The following LRSAM1 variants were observed in gnomAD, a reference collection of about 807,000 sequenced individuals.
LRSAM1 encodes E3 ubiquitin-protein ligase LRSAM1.
A neutral mutation model predicts 118.1 loss-of-function variants in LRSAM1; 96 were observed. That is an observed-to-expected ratio of 0.81 (90% confidence interval 0.69 to 0.96). The LOEUF (loss-of-function observed/expected upper bound fraction) is 0.96. LRSAM1 is among the 40% of genes least tolerant of loss of function. The pLI is 0.00. For synonymous variants in LRSAM1, 322 were observed against 364.2 expected (o/e 0.88, Z 1.32); for missense variants, 804 against 915.5 (o/e 0.88, Z 1.57).
At chr9:127,495,704 G>T (rs1836107429) in intron 22 of LRSAM1, among the ~76,000 whole-genome samples, 1 of 152,166 alleles carries the variant, frequency 6.6e-6, no homozygotes, top group Admixed American at 6.6e-5. Flanking sequence ...CACCTGCGGG[G>T]ACAGAGAGGC....
In LRSAM1 at chr9:127,455,109, C is replaced by G; in HGVS notation, c.129+55C>G. 7 of 1,563,008 alleles carry G rather than the reference C, an allele frequency of 4.5e-6. No homozygotes were observed. The South Asian group carries it at 7.8e-5, about 17-fold the overall frequency. On this transcript the variant is annotated intron_variant, in intron 4 of 25. Coordinates refer to ENST00000300417, the MANE Select transcript of LRSAM1 (RefSeq NM_001005373.4). The stretch of plus-strand genomic sequence containing the variant: ...TTGGATCTGTCCCGTTTTCTTGGAT[C>G]TTGTGTCCCTAGGAAAGACAGAGGT...
intron 25 of LRSAM1, 70 bp downstream of exon 25, chr9:127,501,213 G>A: frequency 6.4e-7 from 1 of 1,568,964 alleles, no homozygotes; most frequent in Non-Finnish European, 8.6e-7. Context: ...GCAGGTACAG[G>A]GTTGTCTCTG....
In LRSAM1 at chr9:127,485,849, G is replaced by A; in HGVS notation, c.1259+14G>A. On this transcript the variant is annotated intron_variant, in intron 17 of 25. Transcript: ENST00000300417. ...GGCCTGTTCCAGGTAAGGTAAGGAAGAGGAGTCCCAGGTGAGGGAGCTGGG... is the reference window on the plus strand; with the variant it reads ...GGCCTGTTCCAGGTAAGGTAAGGAAAAGGAGTCCCAGGTGAGGGAGCTGGG... The A allele has an allele frequency of 6.2e-7, 1 of 1,613,528 alleles. No homozygotes were observed. The highest frequency in any genetic ancestry group is 8.5e-7 in the Non-Finnish European group (1 of 1,179,540).
At chr9:127,454,730 G>C in intron 3 of LRSAM1, 131 bp downstream of exon 3, 1 of 1,048,898 alleles carries the variant, frequency 9.5e-7, no homozygotes, top group Non-Finnish European at 1.4e-6. Flanking sequence ...AGAAATATTT[G>C]ACTTAGACCC....
At chr9:127,485,867 G>A in intron 17 of LRSAM1, 32 bp downstream of exon 17, 32 of 1,596,564 alleles carry the variant, frequency 2.0e-5, no homozygotes, top group Non-Finnish European at 2.7e-5. Context: ...CCAGGTGAGG[G>A]AGCTGGGGGA....
chr9:127,492,859 G>A lies in LRSAM1; in HGVS notation c.1561G>A (p.Glu521Lys). The A allele has an allele frequency of 6.2e-7, 1 of 1,614,098 alleles. No individual in the cohort carries two copies. Among genetic ancestry groups the A allele is most frequent in the Non-Finnish European group, 8.5e-7 (1 of 1,180,042 alleles). ...CTCCCTGCTCCAGCAGCTGCTCAAA[G>A]AGAAGCAGCAGCGAGAGGAAGAGCT... ...LSSLLQQLLK[E>K]KQQREEELRE... Residue 521 changes from glutamate to lysine, a missense_variant, in exon 21 of 26, where the codon GAG (glutamate) becomes AAG (lysine). Glu to Lys is a moderately conservative substitution (Grantham distance 56, BLOSUM62 1). Transcript: ENST00000300417.
At chr9:127,467,628 G>A in intron 9 of LRSAM1, 112 bp from the exon 10 acceptor site, 1 of 1,035,088 alleles carries the variant, frequency 9.7e-7, no homozygotes. Context: ...CTGCTGTCAG[G>A]CCATTCCTGC....
chr9:127,484,263 CTT>C (rs35834839), intron 16 of LRSAM1, among the ~76,000 whole-genome samples: 9 of 133,668 alleles, frequency 6.7e-5, no homozygotes, highest in Non-Finnish European at 6.3e-5. Context: ...ATTTCTTTCC[CTT>C]TTTTTTTTTT....
At chr9:127,493,134 T>C (rs1835995136) in intron 21 of LRSAM1, among the ~76,000 whole-genome samples, 1 of 152,164 alleles carries the variant, frequency 6.6e-6, no homozygotes, top group Non-Finnish European at 1.5e-5. Context: ...CAATCTCAGC[T>C]CACTGCAGCC....
chr9:127,498,313 T>G (rs987002089), intron 24 of LRSAM1, among the ~76,000 whole-genome samples: 5 of 152,158 alleles, frequency 3.3e-5, no homozygotes, highest in Non-Finnish European at 7.3e-5. Flanking sequence ...CTTTTTGATA[T>G]CAAGTCATGT....
At position 127,483,001 on chromosome 9, in the gene LRSAM1, G is replaced by A; in HGVS notation, c.1140G>A (p.Leu380=). Residue 380 remains leucine, a synonymous_variant, in exon 16 of 26, where the codon CTG becomes CTA. Transcript: ENST00000300417. ...MSITQEETES[L]RRRDVASAMQ... ...TAACCCAGGAGGAGACTGAGAGCCT[G>A]CGGCGACGTGACGTTGCCTGTGAGT... is the stretch of plus-strand genomic sequence containing the variant. The A allele has an allele frequency of 6.3e-7, 1 of 1,592,912 alleles. No homozygotes were observed. The highest frequency in any genetic ancestry group is 8.5e-7 in the Non-Finnish European group (1 of 1,169,962).
At chr9:127,461,086 C>A in intron 7 of LRSAM1, 87 bp from the exon 8 acceptor site, 1 of 973,146 alleles carries the variant, frequency 1.0e-6, no homozygotes, top group Non-Finnish European at 1.6e-6. Context: ...GAACTCTTGA[C>A]CTTGTGATCC....
At position 127,487,057 on chromosome 9, in the gene LRSAM1, G is replaced by A. The variant is rs1011255526; in HGVS notation, c.1260-619G>A. Among the ~76,000 whole-genome samples the A allele has an allele frequency of 3.3e-5, 5 of 151,916 alleles. No homozygotes were observed. The East Asian group carries it at 5.8e-4, about 18-fold the overall frequency. Reference sequence around the variant, plus strand: ...CAATTAGCCAAACGTAGCAGTGGGCGCCTGTAATCCCAGCTACTTGGGAGA... The same window carrying A: ...CAATTAGCCAAACGTAGCAGTGGGCACCTGTAATCCCAGCTACTTGGGAGA... On this transcript the variant is annotated intron_variant, in intron 17 of 25. Coordinates refer to ENST00000300417, the MANE Select transcript of LRSAM1 (RefSeq NM_001005373.4).
At chr9:127,474,377 C>T (rs916537054) in intron 11 of LRSAM1, among the ~76,000 whole-genome samples, 7 of 151,906 alleles carry the variant, frequency 4.6e-5, no homozygotes, top group African/African-American at 1.7e-4. Flanking sequence ...AAGTGATCCT[C>T]CCACCTCAGA....
chr9:127,476,876 C>T (rs1021187691), intron 11 of LRSAM1, among the ~76,000 whole-genome samples: 2 of 152,086 alleles, frequency 1.3e-5, no homozygotes, highest in African/African-American at 4.8e-5. Context: ...GGGGTTTCAC[C>T]ATGCTGGCCA....
intron 14 of LRSAM1, among the ~76,000 whole-genome samples, chr9:127,480,916 T>G (rs1044477961): frequency 6.6e-6 from 1 of 152,160 alleles, no homozygotes; most frequent in Non-Finnish European, 1.5e-5. Flanking sequence ...TGACCTCAAG[T>G]GATCTATCCA....
Position 127,485,735 on chromosome 9 carries a change from G to A in LRSAM1, c.1160-1G>A. The A allele has an allele frequency of 6.2e-7, 1 of 1,614,068 alleles. No individual in the cohort carries two copies. ...GCTGTCCCCACCTCATGTTCCCACAGCCGCCATGCAGCAGATGCTGACTGA... is the reference window on the plus strand; with the variant it reads ...GCTGTCCCCACCTCATGTTCCCACAACCGCCATGCAGCAGATGCTGACTGA... On this transcript the variant is annotated splice_acceptor_variant, in intron 16 of 25. Transcript: ENST00000300417. LOFTEE classifies it high-confidence loss of function.
chr9:127,467,841 G>T lies in LRSAM1; in HGVS notation c.619+11G>T, dbSNP rs370502826. On this transcript the variant is annotated intron_variant, in intron 10 of 25. Coordinates refer to ENST00000300417, the MANE Select transcript of LRSAM1 (RefSeq NM_001005373.4). ...AGTTCCTCTGCAAAGGTAAAGCCAG[G>T]CCGCTGCCTCCTCCCCTCATTGAGG... is the stretch of plus-strand genomic sequence containing the variant. 4 of 1,570,536 alleles carry T rather than the reference G, an allele frequency of 2.5e-6. No individual in the cohort carries two copies. In the South Asian group the frequency reaches 4.6e-5, roughly 18 times the overall value.
chr9:127,497,855 C>T (rs1003618176), intron 24 of LRSAM1, among the ~76,000 whole-genome samples: 1 of 152,224 alleles, frequency 6.6e-6, no homozygotes, highest in Non-Finnish European at 1.5e-5. Context: ...ACCTGCCCAC[C>T]GCTGTGCATG....
Sources: allele counts gnomAD v4.1 joint callset (sites outside exome capture counted in the v4.1 genomes callset), GRCh38; gene constraint gnomAD v4.1.1; transcripts MANE v1.5; gene names NCBI Gene and HGNC (gene_info 2026-07-23, HGNC 2026-07-21).